PLCH1: variants seen among roughly 807,000 people sequenced by gnomAD.
PLCH1 encodes phospholipase C eta 1, also known as 1-phosphatidylinositol 4,5-bisphosphate phosphodiesterase eta-1.
Under a neutral mutation model 126.7 loss-of-function variants are expected in PLCH1, and 60 were observed. That is an observed-to-expected ratio of 0.47 (90% confidence interval 0.38 to 0.59). The LOEUF (loss-of-function observed/expected upper bound fraction) is 0.59, where lower values mean the gene tolerates loss of function less well. Among genes scored for constraint, PLCH1 ranks in the 20% least tolerant of loss-of-function variants. The probability of loss-of-function intolerance (pLI) is 0.00; values close to 1 mark genes in which losing one functional copy is unlikely to be tolerated. For missense variants in PLCH1, 1,723 were observed against 2,040.0 expected, an observed-to-expected ratio of 0.84 and a Z score of 2.99; for synonymous variants, 719 against 734.9, an observed-to-expected ratio of 0.98 and a Z score of 0.35.
At chr3:155,509,105 G>A (rs1162130419) in intron 12 of PLCH1, among the ~76,000 whole-genome samples, 1 of 140,376 alleles carries the variant, frequency 7.1e-6, no homozygotes, top group East Asian at 1.9e-4. Context: ...GTCGAGGAAT[G>A]TATCCATTTC....
chr3:155,709,352 C>T (rs1206030013), intron 1 of PLCH1, among the ~76,000 whole-genome samples: 1 of 152,160 alleles, frequency 6.6e-6, no homozygotes, highest in Non-Finnish European at 1.5e-5. Context: ...TAAGAAACAG[C>T]CAAGCTATCT....
At chr3:155,564,892 G>A (rs754781477) in intron 8 of PLCH1, 23 bp downstream of exon 8, 4 of 1,543,760 alleles carry the variant, frequency 2.6e-6, no homozygotes, top group East Asian at 4.5e-5. Context: ...ATACACACCG[G>A]AGCTCAGAAA....
At chr3:155,460,604 T>C (rs1712674440) in intron 21 of PLCH1, among the ~76,000 whole-genome samples, 1 of 152,154 alleles carries the variant, frequency 6.6e-6, no homozygotes, top group Admixed American at 6.5e-5. Flanking sequence ...GCCAAGATAG[T>C]TAATCAGAAG....
In PLCH1 at chr3:155,482,434, T is replaced by G; in HGVS notation, c.3592A>C (p.Thr1198Pro). Residue 1198 changes from threonine (T) to proline (P), a missense_variant, in exon 23 of 23, where the codon ACC becomes CCC. Thr to Pro is a conservative substitution (Grantham distance 38). Transcript: ENST00000460012. ...ACAACTGTGAGAGCCTGATTGTTGG[T>G]CTCATCAAACTGGCCAATCAGGGCT... ...ISALIGQFDE[T>P]NNQALTVVSH... The G allele has an allele frequency of 6.2e-7, 1 of 1,614,130 alleles. No individual in the cohort carries two copies. The highest frequency in any genetic ancestry group is 8.5e-7 in the Non-Finnish European group (1 of 1,180,010).
At chr3:155,554,025 AT>A (rs1576997565) in intron 9 of PLCH1, 50 bp downstream of exon 9, 1 of 1,585,770 alleles carries the variant, frequency 6.3e-7, no homozygotes, top group African/African-American at 1.3e-5. Context: ...ACATCAGGCA[AT>A]GCTCCATGCG....
At chr3:155,543,231 C>A (rs183223607) in intron 10 of PLCH1, among the ~76,000 whole-genome samples, 2 of 152,192 alleles carry the variant, frequency 1.3e-5, no homozygotes, top group South Asian at 2.1e-4. Context: ...TCAAGAACTA[C>A]ATGAAGAATG....
At chr3:155,629,540 T>C (rs1737769730) in intron 2 of PLCH1, among the ~76,000 whole-genome samples, 1 of 152,220 alleles carries the variant, frequency 6.6e-6, no homozygotes, top group Admixed American at 6.5e-5. Context: ...CCCCTAATTA[T>C]TTAAAATCCA....
Position 155,694,938 on chromosome 3 carries a change from T to A in PLCH1, c.79+9208A>T, listed in dbSNP as rs183400019. 2.7e-5 allele frequency among the ~76,000 whole-genome samples: 4 copies of A among 147,352 alleles called. No individual in the cohort carries two copies. The East Asian group carries it at 8.1e-4, about 30-fold the overall frequency. ...CAGGCCTCTTTTCTTCCTCTCTTAC[T>A]GAGAAAGCTAGTGCTTTTTTTTTTT... is the stretch of plus-strand genomic sequence containing the variant. On this transcript the variant is annotated intron_variant, in intron 2 of 22. Transcript: ENST00000460012.
At chr3:155,649,926 C>G (rs566901210) in intron 2 of PLCH1, among the ~76,000 whole-genome samples, 1 of 151,864 alleles carries the variant, frequency 6.6e-6, no homozygotes, top group Non-Finnish European at 1.5e-5. Context: ...TGCAGTGAGC[C>G]GAGATAGCGC....
chr3:155,470,597 G>C (rs960664778), intron 21 of PLCH1, among the ~76,000 whole-genome samples: 80 of 152,248 alleles, frequency 5.3e-4, no homozygotes, highest in Non-Finnish European at 7.8e-4. Flanking sequence ...TACTCCTCGA[G>C]AAGAGCAACT....
At position 155,546,446 on chromosome 3, in the gene PLCH1, A is replaced by G. The variant is rs375837290; in HGVS notation, c.1362+3341T>C. 2.0e-3 allele frequency among the ~76,000 whole-genome samples: 308 copies of G among 151,916 alleles called. 7 individuals carry two copies. The East Asian group carries it at 0.021, about 10-fold the overall frequency. On this transcript the variant is annotated intron_variant, in intron 10 of 22. Coordinates refer to ENST00000460012, the MANE Select transcript of PLCH1 (RefSeq NM_014996.4). ...CATGGGTAGGAAGAATCAATATCATAAAAATGGCCATACTGCCCAAGGTAA... is the reference window on the plus strand; with the variant it reads ...CATGGGTAGGAAGAATCAATATCATGAAAATGGCCATACTGCCCAAGGTAA...
chr3:155,495,845 A>G (rs1192654353), intron 15 of PLCH1, among the ~76,000 whole-genome samples: 1 of 152,210 alleles, frequency 6.6e-6, no homozygotes, highest in African/African-American at 2.4e-5. Flanking sequence ...ACATGTTCAT[A>G]TATTTTTTAT....
At chr3:155,654,515 C>T (rs909590396) in intron 2 of PLCH1, among the ~76,000 whole-genome samples, 4 of 152,148 alleles carry the variant, frequency 2.6e-5, no homozygotes, top group African/African-American at 9.7e-5. Flanking sequence ...CCCACTCATA[C>T]ACACATAAAC....
chr3:155,537,805 A>T (rs1723646652), intron 10 of PLCH1, among the ~76,000 whole-genome samples: 1 of 152,116 alleles, frequency 6.6e-6, no homozygotes, highest in African/African-American at 2.4e-5. Context: ...TAGTGAGAGA[A>T]TTCAATACTC....
chr3:155,610,703 T>C (rs920017194), intron 2 of PLCH1, among the ~76,000 whole-genome samples: 3 of 151,940 alleles, frequency 2.0e-5, no homozygotes, highest in South Asian at 2.1e-4. Context: ...CAAGAACTGC[T>C]AAAAGGAGCT....
At chr3:155,723,890 G>A (rs1339837271) in intron 1 of PLCH1, among the ~76,000 whole-genome samples, 1 of 144,948 alleles carries the variant, frequency 6.9e-6, no homozygotes, top group East Asian at 2.1e-4. Flanking sequence ...GGAGGTGGAG[G>A]TTGCAGTGAG....
chr3:155,643,386 A>G (rs1173336136), intron 2 of PLCH1, among the ~76,000 whole-genome samples: 2 of 152,316 alleles, frequency 1.3e-5, no homozygotes, highest in East Asian at 1.9e-4. Flanking sequence ...AAGTAAGCAG[A>G]TGGTGCAGTC....
intron 2 of PLCH1, among the ~76,000 whole-genome samples, chr3:155,600,624 T>G: frequency 6.6e-6 from 1 of 151,132 alleles, no homozygotes; most frequent in East Asian, 1.9e-4. Context: ...AAAAAAAGTT[T>G]ATTTGGATAC....
At chr3:155,464,907 G>A (rs1353557184) in intron 21 of PLCH1, among the ~76,000 whole-genome samples, 1 of 152,076 alleles carries the variant, frequency 6.6e-6, no homozygotes, top group Non-Finnish European at 1.5e-5. Flanking sequence ...TCAGGAGATC[G>A]AGACCATACT....
Sources: allele counts gnomAD v4.1 joint callset (sites outside exome capture counted in the v4.1 genomes callset), GRCh38; gene constraint gnomAD v4.1.1; transcripts MANE v1.5; gene names NCBI Gene and HGNC (gene_info 2026-07-23, HGNC 2026-07-21).